Variants in LPGAT1 observed in about 807,000 individuals in gnomAD.
LPGAT1 encodes acyl-CoA:lysophosphatidylglycerol acyltransferase 1.
Under a neutral mutation model 47.5 loss-of-function variants are expected in LPGAT1, and 11 were observed. The ratio of observed to expected loss-of-function variants is 0.23; its 90% CI spans 0.15 to 0.38. The LOEUF is 0.38. LPGAT1 is among the 10% of genes least tolerant of loss of function. LPGAT1 has a pLI of 1.00. For synonymous variants in LPGAT1, 138 were observed against 144.2 expected (o/e 0.96, Z 0.31); for missense variants, 293 against 439.0 (o/e 0.67, Z 2.97).
At chr1:211,772,797 A>C (rs532236125) in intron 6 of LPGAT1, among the ~76,000 whole-genome samples, 1 of 152,334 alleles carries the variant, frequency 6.6e-6, no homozygotes, top group South Asian at 2.1e-4. Flanking sequence ...AAGATTTTGA[A>C]GGAATAACTA....
intron 6 of LPGAT1, among the ~76,000 whole-genome samples, chr1:211,778,331 G>C (rs1476892659): frequency 3.0e-5 from 4 of 133,418 alleles, no homozygotes; most frequent in African/African-American, 1.1e-4. Flanking sequence ...CACAGACTGA[G>C]ACTCTGTCTC....
intron 6 of LPGAT1, among the ~76,000 whole-genome samples, chr1:211,754,296 C>T (rs1249243053): frequency 6.6e-6 from 1 of 152,228 alleles, no homozygotes; most frequent in African/African-American, 2.4e-5. Context: ...CTCATTTCCA[C>T]AGGTGCTGAT....
rs67342051 is a variant in LPGAT1, at chr1:211,774,132, CTTTTTTTT to C, written c.854+4778_854+4785del. 3.9e-3 allele frequency among the ~76,000 whole-genome samples: 263 copies of C among 66,822 alleles called. 7 individuals carry two copies. The highest frequency in any genetic ancestry group is 0.01 in the Admixed American group (38 of 3,736). 43.8% of individuals were successfully genotyped at this position (66,822 alleles called of 152,430 possible). ...AAAGTGCTTTGTGTTTTTTAAAAGT[CTTTTTTTT>C]TTTTTTTTTTTTGAGACAGAGTCTT... is the stretch of plus-strand genomic sequence containing the variant. On this transcript the variant is annotated intron_variant, in intron 6 of 7. Coordinates refer to ENST00000366997, the MANE Select transcript of LPGAT1 (RefSeq NM_014873.3).
At chr1:211,805,793 A>C (rs4951552) in intron 2 of LPGAT1, among the ~76,000 whole-genome samples, 56,097 of 152,076 alleles carry the variant, frequency 0.37, 11,323 homozygotes, top group East Asian at 0.71. Context: ...CAAGTTTATA[A>C]GGCCAGTATT....
At chr1:211,795,413 G>A (rs554381516) in intron 2 of LPGAT1, among the ~76,000 whole-genome samples, 82 of 152,246 alleles carry the variant, frequency 5.4e-4, no homozygotes, top group African/African-American at 1.8e-3. Flanking sequence ...TGTTGCCCAG[G>A]CTGGAGTGCA....
intron 2 of LPGAT1, among the ~76,000 whole-genome samples, chr1:211,808,569 T>C (rs1006632112): frequency 4.6e-5 from 7 of 152,096 alleles, no homozygotes; most frequent in African/African-American, 7.2e-5. Context: ...TTTTAAAATA[T>C]TGGCAATACC....
At chr1:211,786,825 C>T (rs866652077) in intron 4 of LPGAT1, among the ~76,000 whole-genome samples, 4 of 152,048 alleles carry the variant, frequency 2.6e-5, no homozygotes, top group Non-Finnish European at 4.4e-5. Context: ...CTATATTATA[C>T]AACAGTGCCT....
intron 5 of LPGAT1, among the ~76,000 whole-genome samples, chr1:211,781,545 G>A (rs1658644688): frequency 2.0e-5 from 3 of 152,132 alleles, no homozygotes; most frequent in African/African-American, 7.2e-5. Flanking sequence ...TAAGAGAGCT[G>A]ACTGCCAAGC....
intron 2 of LPGAT1, among the ~76,000 whole-genome samples, chr1:211,804,938 A>G (rs559771086): frequency 6.6e-6 from 1 of 152,338 alleles, no homozygotes; most frequent in Admixed American, 6.5e-5. Flanking sequence ...ATAACTGCAC[A>G]TTGTAGAAGA....
intron 2 of LPGAT1, among the ~76,000 whole-genome samples, chr1:211,809,039 T>C (rs915122633): frequency 7.1e-6 from 1 of 139,916 alleles, no homozygotes; most frequent in Non-Finnish European, 1.6e-5. Flanking sequence ...CAACTAAAAA[T>C]ACAAAAAAAA....
intron 2 of LPGAT1, among the ~76,000 whole-genome samples, chr1:211,813,125 A>G (rs1403860294): frequency 1.3e-5 from 2 of 152,216 alleles, no homozygotes; most frequent in African/African-American, 2.4e-5. Flanking sequence ...TAAACGAGCA[A>G]AACAAGTAGT....
intron 2 of LPGAT1, among the ~76,000 whole-genome samples, chr1:211,798,253 T>A (rs1158203095): frequency 6.6e-6 from 1 of 152,162 alleles, no homozygotes; most frequent in Non-Finnish European, 1.5e-5. Flanking sequence ...TACGTAAACA[T>A]GTTGCAAAAA....
chr1:211,808,366 A>C (rs1427369520), intron 2 of LPGAT1, among the ~76,000 whole-genome samples: 3 of 147,050 alleles, frequency 2.0e-5, no homozygotes, highest in East Asian at 4.1e-4. Flanking sequence ...AAAAAAAAAA[A>C]CCTCTCAAAA....
intron 2 of LPGAT1, among the ~76,000 whole-genome samples, chr1:211,824,258 C>T (rs1307007621): frequency 3.3e-5 from 5 of 151,950 alleles, no homozygotes; most frequent in Admixed American, 1.3e-4. Context: ...TAGCCGGGCA[C>T]GGTGGTGGAT....
chr1:211,830,737 A>G lies in LPGAT1; in HGVS notation c.-192T>C. 8.6e-7 allele frequency: 1 copy of G among 1,168,538 alleles called. No homozygotes were observed. The highest frequency in any genetic ancestry group is 1.1e-6 in the Non-Finnish European group (1 of 947,660). The allele number at this position is 1,168,538 out of a possible 1,614,324, so 72.4% of individuals were successfully genotyped here. Reference sequence around the variant, plus strand: ...CCGGCGGCGCCGAGACTCGGTCCCCAAGGGCCCGGCCGCGTTCGCCCGGAC... The same window carrying G: ...CCGGCGGCGCCGAGACTCGGTCCCCGAGGGCCCGGCCGCGTTCGCCCGGAC... On this transcript the variant is annotated 5_prime_UTR_variant, in exon 1 of 8. Coordinates refer to ENST00000366997, the MANE Select transcript of LPGAT1 (RefSeq NM_014873.3). The surrounding 1 kb of genome is among the most constrained non-coding windows in gnomAD (Gnocchi z 5.9).
At chr1:211,754,342 T>A (rs1429472169) in intron 6 of LPGAT1, among the ~76,000 whole-genome samples, 2 of 152,242 alleles carry the variant, frequency 1.3e-5, no homozygotes, top group African/African-American at 4.8e-5. Flanking sequence ...GGTATAAGGT[T>A]GGCTCCTGGC....
chr1:211,754,114 C>G (rs559458154), intron 6 of LPGAT1, among the ~76,000 whole-genome samples: 1 of 152,284 alleles, frequency 6.6e-6, no homozygotes, highest in East Asian at 1.9e-4. Flanking sequence ...TCAGTTGTAT[C>G]TGTTGTTCCT....
intron 3 of LPGAT1, chr1:211,792,017 C>A (rs1659143770): frequency 6.6e-6 from 1 of 151,540 alleles, no homozygotes; most frequent in African/African-American, 2.4e-5. Flanking sequence ...GGTGATAATT[C>A]TCCTAAGGCT....
intron 5 of LPGAT1, among the ~76,000 whole-genome samples, chr1:211,781,746 C>T (rs867339590): frequency 3.3e-5 from 5 of 152,088 alleles, no homozygotes; most frequent in Non-Finnish European, 5.9e-5. Context: ...AGGAAACAGG[C>T]CTAGTGAATG....
Sources: gnomAD v4.1 joint callset for allele counts (sites outside exome capture counted in the v4.1 genomes callset) on GRCh38, gnomAD v4.1.1 for gene constraint, Gnocchi (gnomAD v3.1) non-coding constraint, MANE v1.5 for transcripts, NCBI Gene and HGNC (gene_info 2026-07-23, HGNC 2026-07-21) for gene names.